C12orf42: variants seen among roughly 807,000 people sequenced by gnomAD.
C12orf42 encodes the protein chromosome 12 open reading frame 42.
A neutral mutation model predicts 21.6 loss-of-function variants in C12orf42; 25 were observed. The ratio of observed to expected loss-of-function variants is 1.16; its 90% CI spans 0.84 to 1.62. The LOEUF is 1.62. Ranked by LOEUF, C12orf42 falls within the 40% of genes most tolerant of loss-of-function variation. The pLI, the probability that C12orf42 is intolerant of heterozygous loss-of-function variation, is 0.00. For missense variants in C12orf42, 483 were observed against 459.3 expected, an observed-to-expected ratio of 1.05 and a Z score of -0.47; for synonymous variants, 174 against 175.0, an observed-to-expected ratio of 0.99 and a Z score of 0.05.
chr12:103,303,223 CCAAGACTGCT>C (rs1410956878), intron 5 of C12orf42, among the ~76,000 whole-genome samples: 22 of 151,886 alleles, frequency 1.4e-4, no homozygotes, highest in African/African-American at 5.3e-4. Flanking sequence ...TACAACATAG[CCAAGACTGCT>C]ATATGTGTGT....
At chr12:103,128,370 C>A in the C12orf42 span, among the ~76,000 whole-genome samples, 3 of 152,188 alleles carry the variant, frequency 2.0e-5, no homozygotes, top group Non-Finnish European at 4.4e-5. Context: ...CCCACAGAAC[C>A]GGCACCATTA....
chr12:103,426,446 A>T (rs1260727200), intron 2 of C12orf42, among the ~76,000 whole-genome samples: 1 of 152,234 alleles, frequency 6.6e-6, no homozygotes, highest in Non-Finnish European at 1.5e-5. Context: ...AGCCTCCAAG[A>T]AATATTGGAC....
intron 2 of C12orf42, among the ~76,000 whole-genome samples, chr12:103,425,675 C>A (rs1381120928): frequency 3.3e-5 from 5 of 152,076 alleles, no homozygotes; most frequent in Non-Finnish European, 7.4e-5. Context: ...ACCAAAACCC[C>A]ATCCAAAGGC....
chr12:103,211,432 C>T, the C12orf42 span, among the ~76,000 whole-genome samples: 1 of 152,170 alleles, frequency 6.6e-6, no homozygotes. Flanking sequence ...GAGCCTGTTA[C>T]TACTAAGATT....
chr12:103,197,820 T>G, the C12orf42 span, among the ~76,000 whole-genome samples: 1 of 152,184 alleles, frequency 6.6e-6, no homozygotes, highest in African/African-American at 2.4e-5. Context: ...CTGGATGACT[T>G]CAGTGAGACA....
At chr12:103,560,767 T>C in the C12orf42 span, among the ~76,000 whole-genome samples, 1 of 152,212 alleles carries the variant, frequency 6.6e-6, no homozygotes, top group Non-Finnish European at 1.5e-5. Context: ...CCATGACTCA[T>C]CTTTATGGGG....
the C12orf42 span, chr12:103,081,000 T>C: frequency 3.9e-3 from 592 of 152,304 alleles, 2 homozygotes; most frequent in African/African-American, 0.013. Flanking sequence ...ATGCTATGTT[T>C]TGCCTCTACA....
chr12:103,543,299 T>C, the C12orf42 span, among the ~76,000 whole-genome samples: 31 of 152,290 alleles, frequency 2.0e-4, no homozygotes, highest in Non-Finnish European at 4.1e-4. Flanking sequence ...ATTTATTCTC[T>C]TCTTATACAG....
chr12:103,183,280 C>T, the C12orf42 span, among the ~76,000 whole-genome samples: 2 of 152,178 alleles, frequency 1.3e-5, no homozygotes, highest in South Asian at 4.1e-4. Context: ...TGGGGTTTCA[C>T]CATGTTGGCC....
At chr12:103,109,645 TAA>T in the C12orf42 span, among the ~76,000 whole-genome samples, 2 of 149,870 alleles carry the variant, frequency 1.3e-5, no homozygotes, top group African/African-American at 4.9e-5. Context: ...ATACCATATA[TAA>T]GACGCAAAAA....
the C12orf42 span, among the ~76,000 whole-genome samples, chr12:103,177,752 C>A: frequency 1.3e-5 from 2 of 152,120 alleles, no homozygotes; most frequent in Non-Finnish European, 2.9e-5. Context: ...TTCTCCGATG[C>A]TGCTTTTGTG....
the C12orf42 span, among the ~76,000 whole-genome samples, chr12:103,177,600 G>A: frequency 6.6e-6 from 1 of 152,302 alleles, no homozygotes; most frequent in African/African-American, 2.4e-5. Flanking sequence ...CCTTCCAGGG[G>A]CACGGCCAGA....
At chr12:103,138,521 T>G in the C12orf42 span, among the ~76,000 whole-genome samples, 1 of 152,192 alleles carries the variant, frequency 6.6e-6, no homozygotes, top group African/African-American at 2.4e-5. Context: ...GTCTGTGGAA[T>G]TTTGAGTCAA....
At chr12:103,549,837 C>T in the C12orf42 span, among the ~76,000 whole-genome samples, 4,681 of 152,242 alleles carry the variant, frequency 0.031, 115 homozygotes, top group East Asian at 0.11. Context: ...AGCCGCTGTT[C>T]GTTCAGATGG....
chr12:103,074,621 T>C, the C12orf42 span, among the ~76,000 whole-genome samples: 37 of 152,226 alleles, frequency 2.4e-4, no homozygotes, highest in Admixed American at 2.4e-3. Context: ...AAATAGTTTC[T>C]GAATTGTCTA....
the C12orf42 span, among the ~76,000 whole-genome samples, chr12:103,507,136 TA>T: frequency 0.021 from 340 of 16,584 alleles, 33 homozygotes; most frequent in African/African-American, 0.1. Flanking sequence ...TAATATATAT[TA>T]TATATATAAT....
At chr12:103,434,002 G>A (rs1950461956) in intron 2 of C12orf42, among the ~76,000 whole-genome samples, 1 of 152,186 alleles carries the variant, frequency 6.6e-6, no homozygotes, top group Admixed American at 6.5e-5. Flanking sequence ...AACTAACTTG[G>A]TTCTCCTGAA....
chr12:103,268,191 T>A (rs1341229556), downstream of C12orf42: 1 of 151,966 alleles, frequency 6.6e-6, no homozygotes, highest in Non-Finnish European at 1.5e-5. Context: ...CTCTTCTTTA[T>A]CCCCCTACAC....
intron 2 of C12orf42, among the ~76,000 whole-genome samples, chr12:103,412,836 G>T (rs2048965712): frequency 6.6e-6 from 1 of 152,102 alleles, no homozygotes; most frequent in African/African-American, 2.4e-5. Context: ...GTTAATTTAA[G>T]TTCCATATAG....
Sources: allele counts gnomAD v4.1 joint callset (sites outside exome capture counted in the v4.1 genomes callset), GRCh38; gene constraint gnomAD v4.1.1; transcripts MANE v1.5; gene names NCBI Gene and HGNC (gene_info 2026-07-23, HGNC 2026-07-21).